Variants in TTC12 observed in about 807,000 individuals in gnomAD.
TTC12 encodes the protein tetratricopeptide repeat domain 12.
In TTC12, 70 loss-of-function variants were observed where a neutral mutation model predicts 90.1. The ratio of observed to expected loss-of-function variants is 0.78; its 90% confidence interval spans 0.64 to 0.95. The LOEUF (loss-of-function observed/expected upper bound fraction) is 0.95. Among genes scored for constraint, TTC12 ranks in the 40% least tolerant of loss-of-function variants. The pLI, the probability that TTC12 is intolerant of heterozygous loss-of-function variation, is 0.00. For missense variants in TTC12, 819 were observed against 846.1 expected (o/e 0.97, Z 0.40); for synonymous variants, 296 against 311.5 (o/e 0.95, Z 0.53).
At chr11:113,368,242 G>A, downstream of TTC12, 4 of 1,516,534 alleles carry the variant, frequency 2.6e-6, no homozygotes, top group South Asian at 3.6e-5. Context: ...TGCACCTGAA[G>A]CTCTGTCTCC....
At position 113,325,810 on chromosome 11, in the gene TTC12, T is replaced by C. The variant is rs369715874; in HGVS notation, c.444+165T>C. The C allele has an allele frequency of 4.9e-6, 4 of 810,142 alleles. No homozygotes were observed. In the African/African-American group the frequency reaches 5.2e-5, roughly 10 times the overall value. 50.2% of individuals were successfully genotyped at this position (810,142 alleles called of 1,614,324 possible). A position where few individuals can be genotyped will look rare whatever the true frequency, so the allele number is the denominator to read the frequency against. ...GACTTATACACAGCATTTACCAGTTTCCATGATGCAAATATTCTCACCATG... is the reference window on the plus strand; with the variant it reads ...GACTTATACACAGCATTTACCAGTTCCCATGATGCAAATATTCTCACCATG... On this transcript the variant is annotated intron_variant, in intron 6 of 21. Transcript: ENST00000529221.
chr11:113,336,862 T>C (rs1948397029), intron 8 of TTC12, among the ~76,000 whole-genome samples: 1 of 152,218 alleles, frequency 6.6e-6, no homozygotes, highest in South Asian at 2.1e-4. Context: ...AACTTCAAGA[T>C]TATCGTGTCG....
At position 113,351,307 on chromosome 11, in the gene TTC12, A is replaced by C. The variant is rs1949278084; in HGVS notation, c.1308+8A>C. Reference sequence around the variant, plus strand: ...GCACTCACAGGCGTTCTGGTGAGCAAACTGTCATTTTCATCCTCTGTAACA... The same window carrying C: ...GCACTCACAGGCGTTCTGGTGAGCACACTGTCATTTTCATCCTCTGTAACA... On this transcript the variant is annotated splice_region_variant and intron_variant, in intron 15 of 21. Transcript: ENST00000529221. 1 of 1,613,486 alleles carries C rather than the reference A, an allele frequency of 6.2e-7. No homozygotes were observed. Among genetic ancestry groups the C allele is most frequent in the African/African-American group, 1.3e-5 (1 of 75,030 alleles).
rs550525064 is a variant in TTC12, at chr11:113,321,905, A to T, written c.59-1383A>T. On this transcript the variant is annotated intron_variant, in intron 2 of 21. Coordinates refer to ENST00000529221, the MANE Select transcript of TTC12 (RefSeq NM_017868.4). ...GGATATATGTGTGAGTCCAGCTGAAACCAGAACTGGCCAGCTGAATTCAGC... is the reference window on the plus strand; with the variant it reads ...GGATATATGTGTGAGTCCAGCTGAATCCAGAACTGGCCAGCTGAATTCAGC... Among the ~76,000 whole-genome samples the T allele has an allele frequency of 3.9e-5, 6 of 152,302 alleles. No individual in the cohort carries two copies. In the East Asian group the frequency reaches 9.6e-4, roughly 24 times the overall value.
chr11:113,366,279 G>A lies in TTC12; in HGVS notation c.2097G>A (p.Met699Ile), dbSNP rs754205688. The change falls in exon 22 of 22, where the codon ATG becomes ATA. Residue 699 changes from methionine (M) to isoleucine (I), a missense_variant. Transcript: ENST00000529221. ...LHGLEILNST[M>I]KYISDS ...GCCTAGAAATTCTCAACTCTACGAT[G>A]AAATACATCAGTGATTCTTGAGAGA... The A allele has an allele frequency of 2.4e-5, 39 of 1,613,602 alleles. No individual in the cohort carries two copies. The highest frequency in any genetic ancestry group is 1.6e-4 in the Middle Eastern group (1 of 6,084).
At chr11:113,333,668 C>A (rs890480966) in intron 7 of TTC12, among the ~76,000 whole-genome samples, 1 of 152,104 alleles carries the variant, frequency 6.6e-6, no homozygotes, top group Non-Finnish European at 1.5e-5. Context: ...TCCATATGAA[C>A]CATAAAGCTC....
chr11:113,351,335 C>T, intron 15 of TTC12, 36 bp downstream of exon 15: 1 of 1,579,566 alleles, frequency 6.3e-7, no homozygotes, highest in Non-Finnish European at 8.7e-7. Flanking sequence ...CTGTAACAGA[C>T]ACTCTCAGGA....
Position 113,364,930 on chromosome 11 carries a change from G to A in TTC12, c.1912G>A (p.Val638Ile), listed in dbSNP as rs780468875. ...TGGTAACTGCATGGAGGTGCCCAAC[G>A]TTGCGTCTTCCCTGCTAAAGACGGA... ...CLGNCMEVPNVASSLLKTDLL... is the reference protein window; with the variant it reads ...CLGNCMEVPNIASSLLKTDLL... Residue 638 changes from valine (V) to isoleucine (I), a missense_variant, in exon 21 of 22, where the codon GTT (valine) becomes ATT (isoleucine). Transcript: ENST00000529221. 1.9e-5 allele frequency: 31 copies of A among 1,614,142 alleles called. No individual in the cohort carries two copies. Among genetic ancestry groups the A allele is most frequent in the Middle Eastern group, 3.3e-4 (2 of 6,062 alleles).
chr11:113,329,692 C>T, intron 6 of TTC12: 1 of 607,260 alleles, frequency 1.6e-6, no homozygotes, highest in Admixed American at 2.1e-5. Context: ...TGTAGCATCC[C>T]TTGTCAGGTT....
chr11:113,330,737 G>A (rs551403015), intron 7 of TTC12, among the ~76,000 whole-genome samples: 3 of 152,304 alleles, frequency 2.0e-5, no homozygotes, highest in African/African-American at 7.2e-5. Flanking sequence ...TGAGCCCCTC[G>A]AGAGGGACTA....
intron 10 of TTC12, among the ~76,000 whole-genome samples, chr11:113,340,165 T>C (rs1948602724): frequency 6.6e-6 from 1 of 152,244 alleles, no homozygotes; most frequent in South Asian, 2.1e-4. Flanking sequence ...ATAATCTCTA[T>C]ACTCAGTGAC....
Position 113,339,313 on chromosome 11 carries a change from A to G in TTC12, c.665A>G (p.Glu222Gly). 6.2e-7 allele frequency: 1 copy of G among 1,607,972 alleles called. No homozygotes were observed. Among genetic ancestry groups the G allele is most frequent in the Non-Finnish European group, 8.5e-7 (1 of 1,178,366 alleles). The change falls in exon 10 of 22, where the codon GAA becomes GGA. Residue 222 changes from glutamate (E) to glycine (G), a missense_variant. By Grantham distance (98) the Glu-to-Gly change is moderately conservative. Coordinates refer to ENST00000529221, the MANE Select transcript of TTC12 (RefSeq NM_017868.4). ...TACCTGAATCAAGTAGATCTTCAGGAAAAAGCAGACCTTCAAGAAAAGGAA... is the reference window on the plus strand; with the variant it reads ...TACCTGAATCAAGTAGATCTTCAGGGAAAAGCAGACCTTCAAGAAAAGGAA... ...KGYLNQVDLQ[E>G]KADLQEKEAH... is the part of the protein sequence containing the mutation.
chr11:113,330,389 C>T (rs1193227165), intron 7 of TTC12, among the ~76,000 whole-genome samples: 2 of 152,154 alleles, frequency 1.3e-5, no homozygotes, highest in African/African-American at 4.8e-5. Flanking sequence ...AATATAACAT[C>T]CTCTATTTGT....
intron 7 of TTC12, 44 bp downstream of exon 7, chr11:113,330,023 G>C (rs1947944227): frequency 6.7e-7 from 1 of 1,485,556 alleles, no homozygotes; most frequent in Admixed American, 1.7e-5. Context: ...TTGGGCTGAA[G>C]TAGATAGAAG....
At chr11:113,370,643 C>T (rs1950356604), downstream of TTC12, among the ~76,000 whole-genome samples, 1 of 152,230 alleles carries the variant, frequency 6.6e-6, no homozygotes, top group African/African-American at 2.4e-5. Flanking sequence ...CTTGGCTGCT[C>T]TGAGGCTCAG....
rs1360637541 is a variant in TTC12, at chr11:113,340,692, C to A, written c.855C>A (p.His285Gln). ...ECTEQTLFRM[H>Q]NGFSIISDNE... ...CAGAACAAACTTTATTCAGAATGCA[C>A]AATGGATTTAGTATCATCAGTGACA... The change falls in exon 11 of 22, where the codon CAC becomes CAA. Residue 285 changes from histidine to glutamine, a missense_variant. By Grantham distance (24) the His-to-Gln change is conservative. Transcript: ENST00000529221. 1.2e-6 allele frequency: 2 copies of A among 1,613,900 alleles called. No homozygotes were observed. The highest frequency in any genetic ancestry group is 2.7e-5 in the African/African-American group (2 of 74,882).
In TTC12 at chr11:113,352,227, C is replaced by T. The variant is rs868938296; in HGVS notation, c.1446+20C>T. ...CTCCTGGTATGTTAGCTTTTCTATT[C>T]AAAATTGGTCTTTATCCTCTTTGGG... is the stretch of plus-strand genomic sequence containing the variant. On this transcript the variant is annotated intron_variant, in intron 16 of 21. Coordinates refer to ENST00000529221, the MANE Select transcript of TTC12 (RefSeq NM_017868.4). 1.5e-5 allele frequency: 24 copies of T among 1,614,068 alleles called. 1 individual carries two copies. In the Middle Eastern group the frequency reaches 3.5e-3, roughly 233 times the overall value.
In TTC12 at chr11:113,344,327, C is replaced by A; in HGVS notation, c.1041C>A (p.Ala347=). The change falls in exon 13 of 22, where the codon GCC becomes GCA. Residue 347 remains alanine (A), a synonymous_variant. Coordinates refer to ENST00000529221, the MANE Select transcript of TTC12 (RefSeq NM_017868.4). ...ATGACAGGGCCAGGCTGTTGGCCGC[C>A]CTCTTGTCCTCCAAGGTCCTGGCCA... is the stretch of plus-strand genomic sequence containing the variant. ...IHHDRARLLA[A]LLSSKVLAIR... 1 of 1,614,198 alleles carries A rather than the reference C, an allele frequency of 6.2e-7. No homozygotes were observed. The highest frequency in any genetic ancestry group is 8.5e-7 in the Non-Finnish European group (1 of 1,180,022).
At chr11:113,320,570 C>T (rs1555137894) in intron 2 of TTC12, among the ~76,000 whole-genome samples, 3 of 152,156 alleles carry the variant, frequency 2.0e-5, no homozygotes, top group African/African-American at 7.2e-5. Context: ...AGTAAAACCC[C>T]ACATTCATCC....
Sources: gnomAD v4.1 joint callset for allele counts (sites outside exome capture counted in the v4.1 genomes callset) on GRCh38, gnomAD v4.1.1 for gene constraint, MANE v1.5 for transcripts, NCBI Gene and HGNC (gene_info 2026-07-23, HGNC 2026-07-21) for gene names.